The following MACROD2 variants were observed in gnomAD, a reference collection of about 807,000 sequenced individuals.
MACROD2 encodes ADP-ribose glycohydrolase MACROD2.
MACROD2 carries 36 observed loss-of-function variants against 70.4 expected under a neutral mutation model. The ratio of observed to expected loss-of-function variants is 0.51; its 90% CI spans 0.39 to 0.68. MACROD2 has a LOEUF of 0.68. MACROD2 is among the 30% of genes least tolerant of loss of function. MACROD2 has a pLI of 0.00. For missense variants in MACROD2, 496 were observed against 538.4 expected, an observed-to-expected ratio of 0.92 and a Z score of 0.78; for synonymous variants, 172 against 178.8, an observed-to-expected ratio of 0.96 and a Z score of 0.30.
chr20:14,402,563 G>A (rs2083648696), intron 3 of MACROD2, among the ~76,000 whole-genome samples: 2 of 152,026 alleles, frequency 1.3e-5, no homozygotes. Flanking sequence ...ATGTCTGTGG[G>A]GTTTTGCTAC....
At chr20:14,132,970 C>G (rs2054738147) in intron 3 of MACROD2, among the ~76,000 whole-genome samples, 1 of 152,086 alleles carries the variant, frequency 6.6e-6, no homozygotes, top group Admixed American at 6.6e-5. Flanking sequence ...ATGACTGTAT[C>G]AGTCAGGGTT....
chr20:15,490,004 A>G (rs2047207662), intron 7 of MACROD2, among the ~76,000 whole-genome samples: 2 of 152,136 alleles, frequency 1.3e-5, no homozygotes, highest in African/African-American at 2.4e-5. Context: ...GCTCCCACCC[A>G]TGCCCACCAC....
intron 5 of MACROD2, among the ~76,000 whole-genome samples, chr20:15,166,424 G>A (rs2076384322): frequency 1.3e-5 from 2 of 152,202 alleles, no homozygotes; most frequent in South Asian, 4.1e-4. Flanking sequence ...CCTAGAAGAG[G>A]GCCCTCACTA....
chr20:15,117,971 C>G (rs1263558595), intron 5 of MACROD2, among the ~76,000 whole-genome samples: 8 of 152,016 alleles, frequency 5.3e-5, no homozygotes, highest in Admixed American at 5.2e-4. Context: ...TTCCCCACTC[C>G]AAAGAGAATG....
At chr20:14,971,854 G>A (rs2074694658) in intron 5 of MACROD2, among the ~76,000 whole-genome samples, 1 of 152,170 alleles carries the variant, frequency 6.6e-6, no homozygotes, top group Admixed American at 6.5e-5. Flanking sequence ...TGATGGCAAA[G>A]AGAAGGGAAA....
chr20:15,794,971 C>T (rs2063659903), intron 8 of MACROD2, among the ~76,000 whole-genome samples: 1 of 151,996 alleles, frequency 6.6e-6, no homozygotes, highest in Non-Finnish European at 1.5e-5. Flanking sequence ...TTTCCTACCC[C>T]CCACCCAACC....
chr20:15,748,219 T>C (rs55889651), intron 8 of MACROD2, among the ~76,000 whole-genome samples: 20,418 of 152,042 alleles, frequency 0.13, 1,520 homozygotes, highest in Non-Finnish European at 0.16. Flanking sequence ...CTACAAAGAA[T>C]GGGGCACTGT....
At chr20:14,575,079 C>T (rs935098082) in intron 4 of MACROD2, among the ~76,000 whole-genome samples, 1 of 148,874 alleles carries the variant, frequency 6.7e-6, no homozygotes, top group Non-Finnish European at 1.5e-5. Flanking sequence ...CCCCTTTCCA[C>T]TTTTAAAAAT....
chr20:14,795,046 C>T (rs1343856759), intron 5 of MACROD2, among the ~76,000 whole-genome samples: 1 of 152,022 alleles, frequency 6.6e-6, no homozygotes, highest in African/African-American at 2.4e-5. Context: ...CAGAATACAA[C>T]TTGGCATTTT....
intron 9 of MACROD2, among the ~76,000 whole-genome samples, chr20:15,867,546 A>T (rs530999254): frequency 6.6e-6 from 1 of 152,318 alleles, no homozygotes; most frequent in African/African-American, 2.4e-5. Flanking sequence ...TATTTGTATG[A>T]TTCAACTCAG....
rs149903508 is a variant in MACROD2, at chr20:15,554,322, G to A, written c.645+54475G>A. 2.6e-5 allele frequency among the ~76,000 whole-genome samples: 4 copies of A among 152,198 alleles called. No individual in the cohort carries two copies. The East Asian group carries it at 7.7e-4, about 29-fold the overall frequency. The stretch of plus-strand genomic sequence containing the variant: ...GTGCTTAAAGAAGGAAGGCAGTTTT[G>A]GCAGAGTTGTTTTGTATTACATTTC... On this transcript the variant is annotated intron_variant, in intron 8 of 17. Transcript: ENST00000684519.
intron 8 of MACROD2, among the ~76,000 whole-genome samples, chr20:15,639,762 A>T (rs13037372): frequency 0.46 from 70,338 of 151,966 alleles, 18,469 homozygotes; most frequent in East Asian, 0.59. Context: ...CCTCTTTCCT[A>T]CCACTGATGG....
In MACROD2 at chr20:14,116,415, A is replaced by G. The variant is rs1601241121; in HGVS notation, c.271+30687A>G. On this transcript the variant is annotated intron_variant, in intron 3 of 17. Coordinates refer to ENST00000684519, the MANE Select transcript of MACROD2 (RefSeq NM_001351661.2). ...CAAAAAGTGTTTGCGGAATTAATGA[A>G]TGGTTGAGTAAGTTGCTTCCTATAA... Among the ~76,000 whole-genome samples the G allele has an allele frequency of 2.6e-5, 4 of 152,310 alleles. No individual in the cohort carries two copies. In the East Asian group the frequency reaches 7.7e-4, roughly 29 times the overall value.
chr20:14,360,553 T>C (rs6074719), intron 3 of MACROD2, among the ~76,000 whole-genome samples: 87,501 of 151,996 alleles, frequency 0.58, 27,185 homozygotes, highest in Non-Finnish European at 0.7. Context: ...GCACTGCTGT[T>C]TGTAAAAAGA....
chr20:14,244,484 G>T (rs2081953847), intron 3 of MACROD2, among the ~76,000 whole-genome samples: 1 of 152,190 alleles, frequency 6.6e-6, no homozygotes, highest in Non-Finnish European at 1.5e-5. Context: ...AGAAGGAGGT[G>T]TGACATTGTG....
At chr20:16,045,962 T>C (rs910001114) in intron 17 of MACROD2, among the ~76,000 whole-genome samples, 1 of 149,734 alleles carries the variant, frequency 6.7e-6, no homozygotes, top group African/African-American at 2.4e-5. Flanking sequence ...TTATAACTGT[T>C]CCAAGTTCTG....
In MACROD2 at chr20:14,363,816, CAAAAAAAAAAAAAAAAAAAA is replaced by C. The variant is rs569929488; in HGVS notation, c.272-129649_272-129630del. Among the ~76,000 whole-genome samples the C allele has an allele frequency of 1.5e-4, 11 of 71,560 alleles. 1 individual carries two copies. Among genetic ancestry groups the C allele is most frequent in the African/African-American group, 5.6e-4 (9 of 16,086 alleles). 46.9% of individuals were successfully genotyped at this position (71,560 alleles called of 152,430 possible). A position where few individuals can be genotyped will look rare whatever the true frequency, so the allele number is the denominator to read the frequency against. ...TGGGCGACAGAGCCAGACTCTGTCT[CAAAAAAAAAAAAAAAAAAAA>C]AAAAAAAAAAAAATAAGATTATAAG... On this transcript the variant is annotated intron_variant, in intron 3 of 17. Transcript: ENST00000684519.
intron 8 of MACROD2, among the ~76,000 whole-genome samples, chr20:15,689,432 A>T (rs2050271305): frequency 6.6e-6 from 1 of 152,178 alleles, no homozygotes; most frequent in African/African-American, 2.4e-5. Context: ...TGTGGGGGGA[A>T]AAACAGCATT....
chr20:15,114,744 C>T (rs997209085), intron 5 of MACROD2, among the ~76,000 whole-genome samples: 7 of 152,108 alleles, frequency 4.6e-5, no homozygotes, highest in African/African-American at 1.7e-4. Flanking sequence ...TTAATGTTAC[C>T]TTCTCTTTCC....
Sources: gnomAD v4.1 joint callset for allele counts (sites outside exome capture counted in the v4.1 genomes callset) on GRCh38, gnomAD v4.1.1 for gene constraint, MANE v1.5 for transcripts, NCBI Gene and HGNC (gene_info 2026-07-23, HGNC 2026-07-21) for gene names.